The following RLIG1 variants were observed in gnomAD, a reference collection of about 807,000 sequenced individuals.
The protein encoded by RLIG1 is RNA 5'-phosphate and 3'-OH ligase 1.
the RLIG1 span, chr12:88,048,157 A>G: frequency 1.7e-5 from 19 of 1,139,620 alleles, no homozygotes; most frequent in Admixed American, 3.0e-5. Flanking sequence ...CCTGGCAGAC[A>G]GTGGGCACTC....
At chr12:88,038,549 T>C in the RLIG1 span, among the ~76,000 whole-genome samples, 2 of 152,204 alleles carry the variant, frequency 1.3e-5, no homozygotes, top group Non-Finnish European at 2.9e-5. Context: ...TCTTGAACAT[T>C]TTTTAAGTAA....
chr12:88,035,660 G>C, the RLIG1 span: 1 of 1,606,728 alleles, frequency 6.2e-7, no homozygotes, highest in Non-Finnish European at 8.5e-7. Flanking sequence ...TGAAGCGCTT[G>C]GGCTCCGTGC....
chr12:88,044,612 C>T, the RLIG1 span: 1 of 152,132 alleles, frequency 6.6e-6, no homozygotes, highest in Non-Finnish European at 1.5e-5. Context: ...CATCAGGTGC[C>T]ACTGGAGAAA....
the RLIG1 span, among the ~76,000 whole-genome samples, chr12:88,036,990 CCT>C: frequency 3.7e-3 from 568 of 152,278 alleles, 1 homozygote; most frequent in African/African-American, 0.013. Context: ...CCTTCTCTTA[CCT>C]CTCTGCAGTT....
At chr12:88,043,948 C>G in the RLIG1 span, 1 of 504,548 alleles carries the variant, frequency 2.0e-6, no homozygotes, top group African/African-American at 2.0e-5. Flanking sequence ...TTTTTACTAG[C>G]TGTAGTCTGT....
the RLIG1 span, chr12:88,035,724 A>G: frequency 1.2e-6 from 2 of 1,601,376 alleles, no homozygotes; most frequent in Non-Finnish European, 1.7e-6. Flanking sequence ...GCCTTCCTCC[A>G]AAAGGGAGCA....
chr12:88,040,240 ATGT>A, the RLIG1 span: 8 of 1,584,914 alleles, frequency 5.0e-6, no homozygotes, highest in South Asian at 5.6e-5. Flanking sequence ...TGGATGGAAC[ATGT>A]TGTTATGTTA....
the RLIG1 span, chr12:88,049,810 CTA>C: frequency 0.05 from 7,797 of 156,642 alleles, 675 homozygotes; most frequent in African/African-American, 0.18. Context: ...TTACTAATAT[CTA>C]ATATTTAATG....
chr12:88,049,381 T>C, the RLIG1 span: 23 of 1,538,334 alleles, frequency 1.5e-5, no homozygotes, highest in Non-Finnish European at 2.0e-5. Context: ...GGATCAAAAT[T>C]TTCCAGTTCT....
At chr12:88,048,400 A>AAGAT in the RLIG1 span, 1 of 1,488,660 alleles carries the variant, frequency 6.7e-7, no homozygotes, top group Non-Finnish European at 9.2e-7. Flanking sequence ...GTTAGACTCA[A>AAGAT]AGATATAATA....
At chr12:88,040,327 C>A in the RLIG1 span, 1 of 1,001,012 alleles carries the variant, frequency 1.0e-6, no homozygotes, top group Non-Finnish European at 1.5e-6. Context: ...ACTTTACAGT[C>A]TATCTGAAAT....
the RLIG1 span, chr12:88,043,630 A>C: frequency 1.1e-5 from 17 of 1,612,440 alleles, no homozygotes; most frequent in Non-Finnish European, 1.4e-5. Flanking sequence ...AGGACTTCAA[A>C]CCAGCTCCGG....
the RLIG1 span, among the ~76,000 whole-genome samples, chr12:88,047,989 CA>C: frequency 2.6e-5 from 4 of 151,986 alleles, no homozygotes; most frequent in Admixed American, 2.6e-4. Context: ...GGCATGTTTC[CA>C]GGTGCTGGAC....
the RLIG1 span, among the ~76,000 whole-genome samples, chr12:88,047,738 A>T: frequency 9.9e-5 from 15 of 152,134 alleles, 1 homozygote; most frequent in African/African-American, 2.4e-5. Flanking sequence ...AACATTCATG[A>T]TCTGGCCCCT....
At chr12:88,043,754 TA>T in the RLIG1 span, 1 of 1,371,396 alleles carries the variant, frequency 7.3e-7, no homozygotes, top group Non-Finnish European at 1.0e-6. Flanking sequence ...TTGTGTTTAC[TA>T]GTAAAATGAT....
At chr12:88,049,166 A>G in the RLIG1 span, 4 of 1,434,512 alleles carry the variant, frequency 2.8e-6, no homozygotes, top group Admixed American at 2.1e-5. Context: ...TAAATGAAAC[A>G]AAGTTTATAG....
the RLIG1 span, chr12:88,035,938 T>A: frequency 6.6e-7 from 1 of 1,521,940 alleles, no homozygotes; most frequent in Non-Finnish European, 8.8e-7. Context: ...TTCTTAGTTG[T>A]GAGGGAGGGA....
chr12:88,049,249 G>A, the RLIG1 span: 29 of 1,609,046 alleles, frequency 1.8e-5, no homozygotes, highest in Middle Eastern at 8.6e-4. Flanking sequence ...GCAGCAACAG[G>A]GCTAGTTAAT....
the RLIG1 span, among the ~76,000 whole-genome samples, chr12:88,037,229 T>G: frequency 6.6e-6 from 1 of 152,186 alleles, no homozygotes; most frequent in African/African-American, 2.4e-5. Flanking sequence ...TTCAAGTCAG[T>G]TCTTCTCCAT....
Sources: gnomAD v4.1 joint callset for allele counts (sites outside exome capture counted in the v4.1 genomes callset) on GRCh38, gnomAD v4.1.1 for gene constraint, MANE v1.5 for transcripts, NCBI Gene and HGNC (gene_info 2026-07-23, HGNC 2026-07-21) for gene names.